EPB41L1: variants seen among roughly 807,000 people sequenced by gnomAD.
EPB41L1 encodes the protein band 4.1-like protein 1.
Under a neutral mutation model 97.8 loss-of-function variants are expected in EPB41L1, and 29 were observed. The ratio of observed to expected loss-of-function variants is 0.30; its 90% confidence interval spans 0.22 to 0.40. The LOEUF (loss-of-function observed/expected upper bound fraction) is 0.40, where lower values mean the gene tolerates loss of function less well. Among genes scored for constraint, EPB41L1 ranks in the 10% least tolerant of loss-of-function variants. The probability of loss-of-function intolerance (pLI) is 1.00; values close to 1 mark genes in which losing one functional copy is unlikely to be tolerated. For synonymous variants in EPB41L1, 383 were observed against 459.2 expected (o/e 0.83, Z 2.12); for missense variants, 812 against 1,162.3 (o/e 0.70, Z 4.38).
In EPB41L1 at chr20:36,198,037, A is replaced by G. The variant is rs754147491; in HGVS notation, c.1664A>G (p.Asn555Ser). ...CCCAAGGGCACCCCTGAGAAAGCCA[A>G]TGAGGTAGGTGTCGCCCTGAACCCC... ...PSPKGTPEKA[N>S]ERAGLREGSE... is the part of the protein sequence containing the mutation. The change falls in exon 14 of 22, where the codon AAT becomes AGT. Residue 555 changes from asparagine to serine, a missense_variant. Physicochemically the swap from Asn to Ser is conservative, Grantham distance 46. This residue lies in a region of EPB41L1 where 498 missense variants were observed against 622.7 expected (regional missense o/e 0.80). Transcript: ENST00000338074. 87 of 1,613,040 alleles carry G rather than the reference A, an allele frequency of 5.4e-5. No homozygotes were observed. Among genetic ancestry groups the G allele is most frequent in the African/African-American group, 9.3e-5 (7 of 74,882 alleles).
At chr20:36,189,549 C>G (rs985671272) in intron 9 of EPB41L1, among the ~76,000 whole-genome samples, 4 of 152,214 alleles carry the variant, frequency 2.6e-5, no homozygotes, top group South Asian at 2.1e-4. Flanking sequence ...GTATCTCCCC[C>G]TCTCGCTTCT....
At chr20:36,149,328 T>C (rs561319374) in intron 2 of EPB41L1, among the ~76,000 whole-genome samples, 70 of 152,320 alleles carry the variant, frequency 4.6e-4, no homozygotes, top group African/African-American at 1.7e-3. Context: ...GTGCTTTGTA[T>C]ACTGTGACCT....
chr20:36,189,464 G>A (rs912489738), intron 9 of EPB41L1, among the ~76,000 whole-genome samples: 1 of 152,036 alleles, frequency 6.6e-6, no homozygotes, highest in Admixed American at 6.6e-5. Flanking sequence ...TAGCCTCTTC[G>A]GCCTTGAGAT....
chr20:36,153,230 A>G, upstream of EPB41L1: 1 of 381,872 alleles, frequency 2.6e-6, no homozygotes, highest in East Asian at 7.3e-5. Flanking sequence ...GCCTATGAGG[A>G]CCCAGGGTAG....
intron 14 of EPB41L1, chr20:36,208,452 C>G: frequency 2.9e-6 from 1 of 346,428 alleles, no homozygotes. Context: ...GTCACCTTCA[C>G]CCGGCCAGGA....
chr20:36,218,816 G>A (rs922600037), intron 17 of EPB41L1, 60 bp from the exon 18 acceptor site: 16 of 1,516,322 alleles, frequency 1.1e-5, no homozygotes, highest in Admixed American at 6.8e-5. Context: ...CACATGCTCC[G>A]CCCATCCTGG....
intron 1 of EPB41L1, among the ~76,000 whole-genome samples, chr20:36,159,117 G>A (rs1310799277): frequency 6.6e-6 from 1 of 152,182 alleles, no homozygotes; most frequent in Non-Finnish European, 1.5e-5. Flanking sequence ...AGAAGGAGGA[G>A]CTTGGAGTGG....
chr20:36,156,215 A>C (rs1262546351), intron 1 of EPB41L1, among the ~76,000 whole-genome samples: 1 of 152,174 alleles, frequency 6.6e-6, no homozygotes, highest in African/African-American at 2.4e-5. Flanking sequence ...CTGCCTGGCA[A>C]CCCAGGCATA....
At chr20:36,149,345 C>A (rs2059956664) in intron 2 of EPB41L1, among the ~76,000 whole-genome samples, 1 of 152,214 alleles carries the variant, frequency 6.6e-6, no homozygotes. Flanking sequence ...ACCTGCTATG[C>A]AGTTTGCAGG....
chr20:36,168,893 C>T (rs1298483039), intron 1 of EPB41L1, among the ~76,000 whole-genome samples: 2 of 152,006 alleles, frequency 1.3e-5, no homozygotes, highest in African/African-American at 4.8e-5. Context: ...ATCTCCTTCA[C>T]CATCCTGAGA....
At chr20:36,217,375 T>C (rs1001894733) in intron 17 of EPB41L1, among the ~76,000 whole-genome samples, 1 of 151,972 alleles carries the variant, frequency 6.6e-6, no homozygotes, top group South Asian at 2.1e-4. Context: ...AGAGCCTGAA[T>C]GTGGAGGAAG....
intron 1 of EPB41L1, among the ~76,000 whole-genome samples, chr20:36,159,455 C>A (rs1387560332): frequency 1.3e-5 from 2 of 152,188 alleles, no homozygotes; most frequent in Admixed American, 1.3e-4. Flanking sequence ...ATCCTTGATT[C>A]ATTTTGTGCT....
At chr20:36,134,641 G>C (rs1378851128) in intron 2 of EPB41L1, among the ~76,000 whole-genome samples, 1 of 152,138 alleles carries the variant, frequency 6.6e-6, no homozygotes, top group Non-Finnish European at 1.5e-5. Flanking sequence ...TGAGAATAAA[G>C]AGTGGAGGAG....
chr20:36,227,118 C>G (rs2147200017), intron 21 of EPB41L1, among the ~76,000 whole-genome samples: 1 of 152,198 alleles, frequency 6.6e-6, no homozygotes, highest in East Asian at 1.9e-4. Flanking sequence ...GGTTCAAGAC[C>G]AGCCTGGCCA....
chr20:36,125,845 G>A (rs1000896304), intron 2 of EPB41L1, among the ~76,000 whole-genome samples: 3 of 152,178 alleles, frequency 2.0e-5, no homozygotes, highest in Admixed American at 6.5e-5. Context: ...GTCTGTTGGT[G>A]TGGCCTGGTG....
intron 1 of EPB41L1, chr20:36,155,139 G>A (rs1391596844): frequency 2.2e-6 from 1 of 463,566 alleles, no homozygotes; most frequent in Admixed American, 2.3e-5. Flanking sequence ...CCTGCTGTAG[G>A]ATGAGCGGTG....
intron 1 of EPB41L1, among the ~76,000 whole-genome samples, chr20:36,156,763 TG>T: frequency 6.6e-6 from 1 of 152,264 alleles, no homozygotes; most frequent in East Asian, 1.9e-4. Flanking sequence ...TGGACCCTCT[TG>T]GAAGTGCATA....
intron 21 of EPB41L1, among the ~76,000 whole-genome samples, chr20:36,226,741 T>C (rs973940034): frequency 3.3e-5 from 5 of 152,224 alleles, no homozygotes; most frequent in African/African-American, 1.2e-4. Flanking sequence ...GACTGTGCTG[T>C]GCTGTAATAA....
chr20:36,175,775 C>T (rs1333431154), intron 3 of EPB41L1, 60 bp downstream of exon 3: 2 of 1,596,854 alleles, frequency 1.3e-6, no homozygotes, highest in Non-Finnish European at 1.7e-6. Context: ...AGGTCCAGGG[C>T]AGGCTCCTGT....
Sources: gnomAD v4.1 joint callset for allele counts (sites outside exome capture counted in the v4.1 genomes callset) on GRCh38, gnomAD v4.1.1 for gene constraint, gnomAD v4.1.1 regional missense constraint, MANE v1.5 for transcripts, NCBI Gene and HGNC (gene_info 2026-07-23, HGNC 2026-07-21) for gene names.